MUC17: variants seen among roughly 807,000 people sequenced by gnomAD.
MUC17 encodes mucin-17.
MUC17 carries 190 observed loss-of-function variants against 170.3 expected under a neutral mutation model. That is an observed-to-expected ratio of 1.12 (90% CI 0.99 to 1.26). The LOEUF (loss-of-function observed/expected upper bound fraction) is 1.26. MUC17 is among the 50% of genes most tolerant of loss of function. The probability of loss-of-function intolerance (pLI) is 0.00; values close to 1 mark genes in which losing one functional copy is unlikely to be tolerated. For synonymous variants in MUC17, 2,325 were observed against 2,002.5 expected, an observed-to-expected ratio of 1.16 and a Z score of -4.30; for missense variants, 6,415 against 5,530.0, an observed-to-expected ratio of 1.16 and a Z score of -5.08.
rs4729649 is a variant in MUC17 at position 101,035,126 on chromosome 7, G to A, written c.3710G>A (p.Ser1237Asn). The change falls in exon 3 of 13, where the codon AGC becomes AAC. Residue 1237 changes from serine (S) to asparagine (N), a missense_variant. Physicochemically the swap from Ser to Asn is conservative, Grantham distance 46 (BLOSUM62 1). Coordinates refer to ENST00000306151, the MANE Select transcript of MUC17 (RefSeq NM_001040105.2). ...RHTPVASSEA[S>N]TLSTSPVDTS... ...ACGCCAGTGGCCAGTTCTGAGGCTA[G>A]CACCCTTTCAACATCTCCCGTTGAC... 0.069 allele frequency: 101,604 copies of A among 1,465,954 alleles called. No homozygotes were observed. The highest frequency in any genetic ancestry group is 0.22 in the African/African-American group (15,017 of 67,236). 90.8% of individuals were successfully genotyped at this position (1,465,954 alleles called of 1,614,324 possible). A position where few individuals can be genotyped will look rare whatever the true frequency, so the allele number is the denominator to read the frequency against.
At position 101,034,171 on chromosome 7, in the gene MUC17, C is replaced by G. The variant is rs771385983; in HGVS notation, c.2755C>G (p.Pro919Ala). The G allele has an allele frequency of 6.3e-7, 1 of 1,584,066 alleles. No individual in the cohort carries two copies. Among genetic ancestry groups the G allele is most frequent in the Non-Finnish European group, 8.6e-7 (1 of 1,163,894 alleles). The change falls in exon 3 of 13, where the codon CCT becomes GCT. Residue 919 changes from proline to alanine, a missense_variant. Pro to Ala is a conservative substitution (Grantham distance 27). Transcript: ENST00000306151. The stretch of plus-strand genomic sequence containing the variant: ...AGGTACCAGCATGCCAACCTCAACT[C>G]CTGGGGAAGGAAGCACTCCATTAAC... ...SEGTSMPTST[P>A]GEGSTPLTSM...
chr7:101,045,950 C>A (rs1292334123), intron 3 of MUC17, among the ~76,000 whole-genome samples: 1 of 152,204 alleles, frequency 6.6e-6, no homozygotes, highest in African/African-American at 2.4e-5. Flanking sequence ...CAGAGATTGG[C>A]CTTCCCTTAG....
intron 7 of MUC17, 77 bp from the exon 8 acceptor site, chr7:101,051,536 C>A (rs1794943996): frequency 1.4e-6 from 2 of 1,462,846 alleles, no homozygotes; most frequent in African/African-American, 1.4e-5. Flanking sequence ...CCTTCTCACA[C>A]ACACACGTCT....
In MUC17 at chr7:101,039,422, G is replaced by T; in HGVS notation, c.8006G>T (p.Gly2669Val). ...AGGACACTTGTGACCACTTCCACTG[G>T]AACCAGTTCATCTCCTACAACTGCT... ...DTRTLVTTSTGTSSSPTTAEG... is the reference protein window; with the variant it reads ...DTRTLVTTSTVTSSSPTTAEG... Residue 2669 changes from glycine (G) to valine (V), a missense_variant, in exon 3 of 13, where the codon GGA (glycine) becomes GTA (valine). Gly to Val is a moderately radical substitution (Grantham distance 109). Coordinates refer to ENST00000306151, the MANE Select transcript of MUC17 (RefSeq NM_001040105.2). 6.3e-7 allele frequency: 1 copy of T among 1,579,398 alleles called. No individual in the cohort carries two copies. The highest frequency in any genetic ancestry group is 8.6e-7 in the Non-Finnish European group (1 of 1,164,924).
At chr7:101,052,199 C>T (rs1794961111) in intron 9 of MUC17, among the ~76,000 whole-genome samples, 2 of 152,116 alleles carry the variant, frequency 1.3e-5, no homozygotes, top group South Asian at 2.1e-4. Context: ...CTAAGGAGGG[C>T]TGAGGAAGGT....
Position 101,033,854 on chromosome 7 carries a change from T to A in MUC17, c.2438T>A (p.Val813Asp), listed in dbSNP as rs774524784. Residue 813 changes from valine (V) to aspartate (D), a missense_variant, in exon 3 of 13, where the codon GTC becomes GAC. Physicochemically the swap from Val to Asp is radical, Grantham distance 152 (BLOSUM62 -3). Coordinates refer to ENST00000306151, the MANE Select transcript of MUC17 (RefSeq NM_001040105.2). The stretch of plus-strand genomic sequence containing the variant: ...AGTCCTTTATTAACAAGTATACCTG[T>A]CAGCATCACACCGGTGACCAGTCCT... ...EGSPLLTSIP[V>D]SITPVTSPEA... 1.2e-6 allele frequency: 2 copies of A among 1,612,952 alleles called. No individual in the cohort carries two copies. Among genetic ancestry groups the A allele is most frequent in the African/African-American group, 2.7e-5 (2 of 74,494 alleles).
In MUC17 at chr7:101,034,262, T is replaced by G; in HGVS notation, c.2846T>G (p.Val949Gly). 1 of 1,608,542 alleles carries G rather than the reference T, an allele frequency of 6.2e-7. No homozygotes were observed. The highest frequency in any genetic ancestry group is 8.5e-7 in the Non-Finnish European group (1 of 1,177,762). ...SEARTLSATP[V>G]DTSTPVTTST... The stretch of plus-strand genomic sequence containing the variant: ...GCTAGAACACTTTCAGCAACTCCTG[T>G]TGACACCAGCACACCTGTGACCACT... The change falls in exon 3 of 13, where the codon GTT becomes GGT. Residue 949 changes from valine to glycine, a missense_variant. By Grantham distance (109) the Val-to-Gly change is moderately radical. Coordinates refer to ENST00000306151, the MANE Select transcript of MUC17 (RefSeq NM_001040105.2).
intron 1 of MUC17, 118 bp from the exon 2 acceptor site, chr7:101,031,002 C>T: frequency 7.9e-7 from 1 of 1,266,462 alleles, no homozygotes; most frequent in South Asian, 2.0e-5. Context: ...TAACTAAAAT[C>T]AGCAGGCTGG....
In MUC17 at chr7:101,039,523, C is replaced by T. The variant is rs376414135; in HGVS notation, c.8107C>T (p.Leu2703=). The change falls in exon 3 of 13, where the codon CTG becomes TTG. Residue 2703 remains leucine (L), a synonymous_variant. Coordinates refer to ENST00000306151, the MANE Select transcript of MUC17 (RefSeq NM_001040105.2). ...AACAAATATACTTGTCAGCACCACG[C>T]TGTTGGCCAATTCTGAGGCTAGCAC... The part of the protein sequence containing the change: ...PLTNILVSTT[L]LANSEASTLS... 6 of 1,611,784 alleles carry T rather than the reference C, an allele frequency of 3.7e-6. No individual in the cohort carries two copies. Among genetic ancestry groups the T allele is most frequent in the Non-Finnish European group, 4.2e-6 (5 of 1,178,910 alleles).
intron 1 of MUC17, among the ~76,000 whole-genome samples, chr7:101,028,933 A>C (rs1336232139): frequency 6.6e-6 from 1 of 151,676 alleles, no homozygotes; most frequent in African/African-American, 2.4e-5. Context: ...CATGCCTGTA[A>C]ACCCAGCATT....
rs1312946646 is a variant in MUC17, at chr7:101,039,931, ACACCTGTGAC to A, written c.8519_8528del (p.Pro2840LeufsTer29). 6 of 1,613,530 alleles carry A rather than the reference ACACCTGTGAC, an allele frequency of 3.7e-6. No homozygotes were observed. The highest frequency in any genetic ancestry group is 1.6e-4 in the Middle Eastern group (1 of 6,082). On this transcript the variant is annotated frameshift_variant, in exon 3 of 13. Transcript: ENST00000306151. LOFTEE classifies it high-confidence loss of function. ...TTCAACAACTCCTGTTGACACCAGC[ACACCTGTGAC>A]CACTTCTACTAAAGCCAGTTCATCT...
In MUC17 at chr7:101,051,690, T is replaced by A. The variant is rs776522849; in HGVS notation, c.12943+9T>A. Reference sequence around the variant, plus strand: ...CCAGTACGACCCTGAAGGTAGGTGATAACACAAGGGGTTTGGGGGAAGGCT... The same window carrying A: ...CCAGTACGACCCTGAAGGTAGGTGAAAACACAAGGGGTTTGGGGGAAGGCT... On this transcript the variant is annotated intron_variant, in intron 8 of 12. Coordinates refer to ENST00000306151, the MANE Select transcript of MUC17 (RefSeq NM_001040105.2). 1.2e-6 allele frequency: 2 copies of A among 1,611,288 alleles called. No homozygotes were observed. Among genetic ancestry groups the A allele is most frequent in the East Asian group, 2.2e-5 (1 of 44,858 alleles).
At chr7:101,028,527 T>C (rs1190263245) in intron 1 of MUC17, among the ~76,000 whole-genome samples, 1 of 152,280 alleles carries the variant, frequency 6.6e-6, no homozygotes, top group East Asian at 1.9e-4. Flanking sequence ...TTCTGTTTGT[T>C]TATATACACA....
In MUC17 at chr7:101,043,145, C is replaced by G; in HGVS notation, c.11729C>G (p.Thr3910Ser). Reference sequence around the variant, plus strand: ...ACAAGCACAACTTTTACCCCTTCTACTGACACTGCCTCAACTCCCACAATT... The same window carrying G: ...ACAAGCACAACTTTTACCCCTTCTAGTGACACTGCCTCAACTCCCACAATT... ...LDTSTTFTPSTDTASTPTIPV... is the reference protein window; with the variant it reads ...LDTSTTFTPSSDTASTPTIPV... The change falls in exon 3 of 13, where the codon ACT becomes AGT. Residue 3910 changes from threonine to serine, a missense_variant. Transcript: ENST00000306151. 1 of 1,614,174 alleles carries G rather than the reference C, an allele frequency of 6.2e-7. No individual in the cohort carries two copies. The highest frequency in any genetic ancestry group is 8.5e-7 in the Non-Finnish European group (1 of 1,180,024).
In MUC17 at chr7:101,045,450, A is replaced by G. The variant is rs1299375523; in HGVS notation, c.12403+1631A>G. Reference sequence around the variant, plus strand: ...CTCTTGTTGCCCAAGCTGGAGTGCAATGGCACGATCATGGCTCACTGCAAC... The same window carrying G: ...CTCTTGTTGCCCAAGCTGGAGTGCAGTGGCACGATCATGGCTCACTGCAAC... On this transcript the variant is annotated intron_variant, in intron 3 of 12. Coordinates refer to ENST00000306151, the MANE Select transcript of MUC17 (RefSeq NM_001040105.2). Among the ~76,000 whole-genome samples, 48 of 151,170 alleles carry G rather than the reference A, an allele frequency of 3.2e-4. 1 individual carries two copies. The highest frequency in any genetic ancestry group is 1.5e-5 in the Non-Finnish European group (1 of 67,928).
rs771619480 is a variant in MUC17, at chr7:101,042,286, A to G, written c.10870A>G (p.Thr3624Ala). Residue 3624 changes from threonine (T) to alanine (A), a missense_variant, in exon 3 of 13, where the codon ACC becomes GCC. By Grantham distance (58) the Thr-to-Ala change is moderately conservative. Coordinates refer to ENST00000306151, the MANE Select transcript of MUC17 (RefSeq NM_001040105.2). ...NSTPTPPEVI[T>A]LPMSTPSEVS... is the part of the protein sequence containing the mutation. Reference sequence around the variant, plus strand: ...TACTCCTACACCTCCTGAAGTTATCACCCTGCCAATGTCAACTCCTAGTGA... The same window carrying G: ...TACTCCTACACCTCCTGAAGTTATCGCCCTGCCAATGTCAACTCCTAGTGA... 2 of 1,612,798 alleles carry G rather than the reference A, an allele frequency of 1.2e-6. No homozygotes were observed. Among genetic ancestry groups the G allele is most frequent in the South Asian group, 1.1e-5 (1 of 91,056 alleles).
intron 1 of MUC17, among the ~76,000 whole-genome samples, chr7:101,024,093 C>CT (rs929700043): frequency 1.4e-4 from 21 of 148,868 alleles, no homozygotes; most frequent in Middle Eastern, 3.5e-3. Flanking sequence ...AGCAGGCTTT[C>CT]TTTTTTTTTT....
Position 101,035,632 on chromosome 7 carries a change from A to G in MUC17, c.4216A>G (p.Thr1406Ala), listed in dbSNP as rs1369265566. ...TPLTSIPVST[T>A]PVVSSEASTL... ...GTTAACAAGTATACCTGTCAGCACC[A>G]CGCCGGTAGTCAGTTCTGAGGCTAG... Residue 1406 changes from threonine to alanine, a missense_variant, in exon 3 of 13, where the codon ACG (threonine) becomes GCG (alanine). Transcript: ENST00000306151. 6.2e-7 allele frequency: 1 copy of G among 1,612,932 alleles called. No individual in the cohort carries two copies. The highest frequency in any genetic ancestry group is 8.5e-7 in the Non-Finnish European group (1 of 1,179,322).
At chr7:101,029,688 T>C (rs1345971503) in intron 1 of MUC17, among the ~76,000 whole-genome samples, 1 of 152,004 alleles carries the variant, frequency 6.6e-6, no homozygotes, top group Non-Finnish European at 1.5e-5. Context: ...AACCTCTGTC[T>C]CCCAGGCTCA....
Sources: allele counts gnomAD v4.1 joint callset (sites outside exome capture counted in the v4.1 genomes callset), GRCh38; gene constraint gnomAD v4.1.1; transcripts MANE v1.5; gene names NCBI Gene and HGNC (gene_info 2026-07-23, HGNC 2026-07-21).